Variants in MS4A14 observed in about 807,000 individuals in gnomAD.
The protein encoded by MS4A14 is membrane spanning 4-domains A14, also known as membrane-spanning 4-domains subfamily A member 14.
In MS4A14, 18 loss-of-function variants were observed where a neutral mutation model predicts 16.7. The observed-to-expected ratio is 1.08, with a 90% CI of 0.75 to 1.60. The LOEUF (loss-of-function observed/expected upper bound fraction) is 1.60. Among genes scored for constraint, MS4A14 ranks in the 40% most tolerant of loss-of-function variants. MS4A14 has a pLI of 0.00. For synonymous variants in MS4A14, 305 were observed against 289.4 expected (o/e 1.05, Z -0.55); for missense variants, 812 against 775.3 (o/e 1.05, Z -0.56).
intron 2 of MS4A14, 77 bp downstream of exon 2, chr11:60,398,057 G>T: frequency 6.6e-7 from 1 of 1,508,548 alleles, no homozygotes; most frequent in Non-Finnish European, 8.9e-7. Flanking sequence ...CTAGGGTAAT[G>T]AATTCCATAA....
chr11:60,415,740 A>T lies in MS4A14; in HGVS notation c.772A>T (p.Lys258Ter). ...IEPLPPTLEK[K>*]PSENMSIQLD... ...ACCTTTGCCTCCCACACTAGAGAAA[A>T]AGCCCTCAGAAAATATGTCCATTCA... The change falls in exon 5 of 5, where the codon AAG becomes TAG. Residue 258 changes from lysine to a stop codon, truncating the protein, a stop_gained. Transcript: ENST00000300187. LOFTEE classifies it low-confidence loss of function (END_TRUNC). 6.2e-7 allele frequency: 1 copy of T among 1,613,942 alleles called. No homozygotes were observed. The highest frequency in any genetic ancestry group is 8.5e-7 in the Non-Finnish European group (1 of 1,179,900).
At position 60,415,537 on chromosome 11, in the gene MS4A14, G is replaced by A; in HGVS notation, c.569G>A (p.Ser190Asn). ...LQFVLQEEFSSDDSTTNAQSV... is the reference protein window; with the variant it reads ...LQFVLQEEFSNDDSTTNAQSV... The stretch of plus-strand genomic sequence containing the variant: ...TTTGTGCTTCAAGAAGAGTTTTCCA[G>A]TGATGATTCAACAACAAATGCACAA... Residue 190 changes from serine to asparagine, a missense_variant, in exon 5 of 5, where the codon AGT becomes AAT. Transcript: ENST00000300187. The A allele has an allele frequency of 6.2e-7, 1 of 1,613,762 alleles. No homozygotes were observed. Among genetic ancestry groups the A allele is most frequent in the Admixed American group, 1.7e-5 (1 of 59,952 alleles).
Position 60,398,234 on chromosome 11 carries a change from A to G in MS4A14, c.267+254A>G, listed in dbSNP as rs921216617. 11 of 292,406 alleles carry G rather than the reference A, an allele frequency of 3.8e-5. No individual in the cohort carries two copies. In the East Asian group the frequency reaches 6.6e-4, roughly 17 times the overall value. The allele number at this position is 292,406 out of a possible 1,614,324, so 18.1% of individuals were successfully genotyped here. On this transcript the variant is annotated intron_variant, in intron 2 of 4. Transcript: ENST00000300187. ...GTAAGACATTTGCTCCTCAATACCAACCTGGGAGACTAGATGCACAAATAT... is the reference window on the plus strand; with the variant it reads ...GTAAGACATTTGCTCCTCAATACCAGCCTGGGAGACTAGATGCACAAATAT...
Position 60,415,575 on chromosome 11 carries a change from G to T in MS4A14, c.607G>T (p.Gly203Ter), listed in dbSNP as rs2135154610. 1 of 1,613,762 alleles carries T rather than the reference G, an allele frequency of 6.2e-7. No homozygotes were observed. Among genetic ancestry groups the T allele is most frequent in the Middle Eastern group, 1.6e-4 (1 of 6,062 alleles). ...AACAAATGCACAATCTGTTATCTTT[G>T]GAGGCTATGCTTTCTTCAAGTTAAC... is the stretch of plus-strand genomic sequence containing the variant. ...STTNAQSVIF[G>*]GYAFFKLTLS... The change falls in exon 5 of 5, where the codon GGA becomes TGA. Residue 203 changes from glycine to a stop codon, truncating the protein, a stop_gained. Transcript: ENST00000300187. LOFTEE classifies it low-confidence loss of function (END_TRUNC).
Position 60,416,955 on chromosome 11 carries a change from G to A in MS4A14, c.1987G>A (p.Ala663Thr). The change falls in exon 5 of 5, where the codon GCT becomes ACT. Residue 663 changes from alanine to threonine, a missense_variant. Physicochemically the swap from Ala to Thr is moderately conservative, Grantham distance 58. Coordinates refer to ENST00000300187, the MANE Select transcript of MS4A14 (RefSeq NM_032597.5). ...FWQFHKGNLQ[A>T]GQPRTVNLLA... ...GCAATTCCACAAAGGCAATCTCCAG[G>A]CTGGACAACCCAGGACTGTCAATCT... 1 of 1,613,670 alleles carries A rather than the reference G, an allele frequency of 6.2e-7. No individual in the cohort carries two copies. Among genetic ancestry groups the A allele is most frequent in the South Asian group, 1.1e-5 (1 of 91,074 alleles).
chr11:60,415,354 A>G, intron 4 of MS4A14, 83 bp from the exon 5 acceptor site: 1 of 1,444,604 alleles, frequency 6.9e-7, no homozygotes, highest in Non-Finnish European at 9.3e-7. Flanking sequence ...GTCTTAAGTC[A>G]GAAATGAAAA....
Position 60,396,573 on chromosome 11 carries a change from A to G in MS4A14, c.-6A>G, listed in dbSNP as rs200592380. On this transcript the variant is annotated 5_prime_UTR_variant, in exon 1 of 5. In the 5' UTR this introduces an upstream ATG that the reference lacks. Coordinates refer to ENST00000300187, the MANE Select transcript of MS4A14 (RefSeq NM_032597.5). ...CTTTCCCTTACTAGAGTTCTGCCAT[A>G]GAATCATGGAGTCAACATCCCAGGA... 8.0e-5 allele frequency: 129 copies of G among 1,612,826 alleles called. No homozygotes were observed. In the Admixed American group the frequency reaches 2.1e-3, roughly 27 times the overall value.
rs878968489 is a variant in MS4A14, at chr11:60,417,109, G to A, written c.*101G>A. On this transcript the variant is annotated 3_prime_UTR_variant, in exon 5 of 5. Transcript: ENST00000300187. ...TATTAGAGAAAGAAGCCCTAAAGCAGAAAGCTCTATACCAAGAAGTCCAAA... is the reference window on the plus strand; with the variant it reads ...TATTAGAGAAAGAAGCCCTAAAGCAAAAAGCTCTATACCAAGAAGTCCAAA... The A allele has an allele frequency of 7.0e-7, 1 of 1,435,240 alleles. No individual in the cohort carries two copies. The highest frequency in any genetic ancestry group is 2.7e-5 in the Admixed American group (1 of 37,544). 88.9% of individuals were successfully genotyped at this position (1,435,240 alleles called of 1,614,324 possible).
At chr11:60,410,684 G>C (rs1479869022) in intron 4 of MS4A14, among the ~76,000 whole-genome samples, 1 of 152,032 alleles carries the variant, frequency 6.6e-6, no homozygotes, top group Admixed American at 6.6e-5. Context: ...AGCATCATAT[G>C]TTGAAAAAAT....
chr11:60,411,963 T>C (rs2085875611), intron 4 of MS4A14, among the ~76,000 whole-genome samples: 2 of 152,002 alleles, frequency 1.3e-5, no homozygotes, highest in South Asian at 4.2e-4. Flanking sequence ...TTATGAGAGG[T>C]TTTCTCATGA....
chr11:60,400,496 G>GT (rs1565173790), intron 3 of MS4A14, 42 bp downstream of exon 3: 1 of 1,388,744 alleles, frequency 7.2e-7, no homozygotes, highest in South Asian at 1.2e-5. Context: ...TCTTCTATTT[G>GT]TTTTATATCA....
chr11:60,406,736 T>TA (rs2085791407), intron 4 of MS4A14, among the ~76,000 whole-genome samples: 1 of 152,196 alleles, frequency 6.6e-6, no homozygotes, highest in South Asian at 2.1e-4. Flanking sequence ...TACCTATGTT[T>TA]AGCTACCATC....
chr11:60,407,167 A>G (rs2085800206), intron 4 of MS4A14, among the ~76,000 whole-genome samples: 1 of 151,326 alleles, frequency 6.6e-6, no homozygotes, highest in African/African-American at 2.4e-5. Context: ...AGCATGCGCC[A>G]CCACCCCCAG....
At chr11:60,398,279 A>G (rs746209553) in intron 2 of MS4A14, 27 of 202,332 alleles carry the variant, frequency 1.3e-4, no homozygotes, top group Admixed American at 1.1e-3. Context: ...TCCTTTGCAA[A>G]TAAGGAAACT....
intron 4 of MS4A14, 52 bp from the exon 5 acceptor site, chr11:60,415,385 A>T: frequency 6.6e-7 from 1 of 1,520,678 alleles, no homozygotes; most frequent in Non-Finnish European, 8.8e-7. Flanking sequence ...AAACAAAAAA[A>T]AAATCAGACA....
chr11:60,415,092 T>C lies in MS4A14; in HGVS notation c.469-345T>C, dbSNP rs146148478. On this transcript the variant is annotated intron_variant, in intron 4 of 4. Transcript: ENST00000300187. ...TTTGATTCCCAGCATTTAGTTCATC[T>C]GGGTGATCAATAAACTATTATAGAT... 1.8e-4 allele frequency among the ~76,000 whole-genome samples: 27 copies of C among 152,244 alleles called. No individual in the cohort carries two copies. In the East Asian group the frequency reaches 4.8e-3, roughly 27 times the overall value.
intron 2 of MS4A14, 33 bp downstream of exon 2, chr11:60,398,013 T>C (rs1454715155): frequency 6.2e-7 from 1 of 1,608,814 alleles, no homozygotes; most frequent in African/African-American, 1.3e-5. Context: ...TTTGGAGAAA[T>C]TGCTATAAAG....
At position 60,403,052 on chromosome 11, in the gene MS4A14, T is replaced by C. The variant is rs776398969; in HGVS notation, c.459T>C (p.Thr153=). 1 of 1,613,616 alleles carries C rather than the reference T, an allele frequency of 6.2e-7. No individual in the cohort carries two copies. Among genetic ancestry groups the C allele is most frequent in the Non-Finnish European group, 8.5e-7 (1 of 1,179,618 alleles). ...SFEEICVFSR[T]LFIVLFFLPS... ...AAGAAATATGTGTTTTCAGTAGAAC[T>C]CTTTTCATTGTAAGTGGTCTTATTT... Residue 153 remains threonine, a synonymous_variant, in exon 4 of 5, where the codon ACT becomes ACC. Transcript: ENST00000300187.
Position 60,415,423 on chromosome 11 carries a change from C to G in MS4A14, c.469-14C>G. The G allele has an allele frequency of 6.3e-7, 1 of 1,579,010 alleles. No homozygotes were observed. Among genetic ancestry groups the G allele is most frequent in the African/African-American group, 1.4e-5 (1 of 73,212 alleles). Reference sequence around the variant, plus strand: ...ATTCTGTCATATTAATTACCCTCATCCTTGCTTTTATAGGTTCTGTTTTTC... The same window carrying G: ...ATTCTGTCATATTAATTACCCTCATGCTTGCTTTTATAGGTTCTGTTTTTC... On this transcript the variant is annotated splice_polypyrimidine_tract_variant and intron_variant, in intron 4 of 4. Transcript: ENST00000300187.
Sources: gnomAD v4.1 joint callset for allele counts (sites outside exome capture counted in the v4.1 genomes callset) on GRCh38, gnomAD v4.1.1 for gene constraint, MANE v1.5 for transcripts, NCBI Gene and HGNC (gene_info 2026-07-23, HGNC 2026-07-21) for gene names.